P2RX6: variants seen among roughly 807,000 people sequenced by gnomAD.
P2RX6 encodes the protein P2X purinoceptor 6.
P2RX6 carries 62 observed loss-of-function variants against 54.2 expected under a neutral mutation model. That is an observed-to-expected ratio of 1.14 (90% CI 0.93 to 1.41). P2RX6 has a LOEUF of 1.41. Ranked by LOEUF, P2RX6 falls within the 40% of genes most tolerant of loss-of-function variation. P2RX6 has a pLI of 0.00. For missense variants in P2RX6, 541 were observed against 566.3 expected (o/e 0.96, Z 0.45); for synonymous variants, 211 against 231.9 (o/e 0.91, Z 0.82).
chr22:21,018,248 G>A lies in P2RX6; in HGVS notation c.387+188G>A, dbSNP rs1926775662. The A allele has an allele frequency of 8.5e-6, 5 of 589,734 alleles. No individual in the cohort carries two copies. The East Asian group carries it at 1.2e-4, about 14-fold the overall frequency. The allele number at this position is 589,734 out of a possible 1,614,324, so 36.5% of individuals were successfully genotyped here. A position where few individuals can be genotyped will look rare whatever the true frequency, so the allele number is the denominator to read the frequency against. On this transcript the variant is annotated intron_variant, in intron 3 of 11. Coordinates refer to ENST00000413302, the MANE Select transcript of P2RX6 (RefSeq NM_005446.5). ...TCTTCACATATCCCCTGCCTGGTAG[G>A]AAGTCCTGTGATCCCCATTTCAGAG...
Position 21,025,859 on chromosome 22 carries a change from G to A in P2RX6, c.945G>A (p.Lys315=). 1.9e-6 allele frequency: 3 copies of A among 1,573,234 alleles called. No individual in the cohort carries two copies. Among genetic ancestry groups the A allele is most frequent in the Non-Finnish European group, 2.6e-6 (3 of 1,159,766 alleles). Residue 315 remains lysine, a synonymous_variant, in exon 9 of 12, where the codon AAG becomes AAA. Coordinates refer to ENST00000413302, the MANE Select transcript of P2RX6 (RefSeq NM_005446.5). ...QPGVEARTLL[K]LYGIRFDILV... is the part of the protein sequence containing the mutation. ...GTGTGGAGGCCCGCACCCTGCTCAA[G>A]CTCTATGGAATCCGCTTCGACATCC... is the stretch of plus-strand genomic sequence containing the variant.
At chr22:21,016,285 G>A (rs1926371347) in intron 2 of P2RX6, among the ~76,000 whole-genome samples, 193 bp downstream of exon 2, 1 of 152,120 alleles carries the variant, frequency 6.6e-6, no homozygotes, top group Admixed American at 6.5e-5. Context: ...TTTTGGGGTG[G>A]AAAAAGGGGC....
At position 21,015,320 on chromosome 22, in the gene P2RX6, T is replaced by C; in HGVS notation, c.146T>C (p.Ile49Thr). 1 of 1,562,974 alleles carries C rather than the reference T, an allele frequency of 6.4e-7. No homozygotes were observed. Among genetic ancestry groups the C allele is most frequent in the Non-Finnish European group, 8.6e-7 (1 of 1,161,378 alleles). Residue 49 changes from isoleucine (I) to threonine (T), a missense_variant, in exon 1 of 12, where the codon ATC becomes ACC. Physicochemically the swap from Ile to Thr is moderately conservative, Grantham distance 89 (BLOSUM62 -1). Coordinates refer to ENST00000413302, the MANE Select transcript of P2RX6 (RefSeq NM_005446.5). ...CTGCAGAGGCTGCTGCAGTTTGGGA[T>C]CGTGGTCTATGTGGTAGGGTAAGAG... Reference protein sequence around the residue: ...GALQRLLQFGIVVYVVGWALL... With the variant: ...GALQRLLQFGTVVYVVGWALL...
At chr22:21,015,374 C>G in intron 1 of P2RX6, 36 bp downstream of exon 1, 1 of 1,481,344 alleles carries the variant, frequency 6.8e-7, no homozygotes, top group Middle Eastern at 2.2e-4. Flanking sequence ...GCTGGAGGGG[C>G]AAGGGAAGAG....
chr22:21,026,010 G>C lies in P2RX6; in HGVS notation c.985-1G>C. 1 of 1,610,558 alleles carries C rather than the reference G, an allele frequency of 6.2e-7. No homozygotes were observed. The highest frequency in any genetic ancestry group is 8.5e-7 in the Non-Finnish European group (1 of 1,178,630). ...AGAGGTTCAGCTCAGATCTCTCTCA[G>C]GCAGGGAAGTTCGGGCTCATCCCCA... On this transcript the variant is annotated splice_acceptor_variant, in intron 9 of 11. Coordinates refer to ENST00000413302, the MANE Select transcript of P2RX6 (RefSeq NM_005446.5). LOFTEE classifies it high-confidence loss of function. This position sits in a 1 kb window ranked among gnomAD's most constrained non-coding sequence, Gnocchi z 4.0.
At chr22:21,020,601 T>TC (rs1927204017) in intron 3 of P2RX6, among the ~76,000 whole-genome samples, 1 of 145,804 alleles carries the variant, frequency 6.9e-6, no homozygotes, top group Non-Finnish European at 1.5e-5. Context: ...TTTCTTTTTT[T>TC]TTTTTTTGAG....
At chr22:21,019,616 C>G (rs28728206) in intron 3 of P2RX6, among the ~76,000 whole-genome samples, 1 of 152,202 alleles carries the variant, frequency 6.6e-6, no homozygotes, top group Non-Finnish European at 1.5e-5. Flanking sequence ...AGAGCTTGGT[C>G]GGGGAGACCT....
In P2RX6 at chr22:21,023,376, T is replaced by C. The variant is rs768078009; in HGVS notation, c.740T>C (p.Val247Ala). The change falls in exon 7 of 12, where the codon GTG becomes GCG. Residue 247 changes from valine to alanine, a missense_variant. Transcript: ENST00000413302. Reference sequence around the variant, plus strand: ...CCCGTGTTCCGCATTGGGGACCTCGTGGCCAAGGCTGGAGGGACCTTCGAG... The same window carrying C: ...CCCGTGTTCCGCATTGGGGACCTCGCGGCCAAGGCTGGAGGGACCTTCGAG... ...YCPVFRIGDL[V>A]AKAGGTFEDL... 3.7e-6 allele frequency: 6 copies of C among 1,613,874 alleles called. No individual in the cohort carries two copies.
chr22:21,013,409 T>C (rs1925879993), upstream of P2RX6, among the ~76,000 whole-genome samples: 3 of 152,330 alleles, frequency 2.0e-5, no homozygotes, highest in South Asian at 6.2e-4. Flanking sequence ...CTGGACAACC[T>C]GGGCAACATA....
chr22:21,011,599 C>T (rs1412548623), upstream of P2RX6: 29 of 714,686 alleles, frequency 4.1e-5, no homozygotes, highest in South Asian at 3.0e-4. Flanking sequence ...ATCTGGGGGA[C>T]GGAGCCACTC....
rs768061458 is a variant in P2RX6, at chr22:21,023,321, C to T, written c.685C>T (p.Arg229Cys). 5.6e-6 allele frequency: 9 copies of T among 1,613,862 alleles called. No individual in the cohort carries two copies. The highest frequency in any genetic ancestry group is 1.7e-5 in the Admixed American group (1 of 60,002). Residue 229 changes from arginine to cysteine, a missense_variant, in exon 7 of 12, where the codon CGC (arginine) becomes TGC (cysteine). Physicochemically the swap from Arg to Cys is radical, Grantham distance 180. This residue lies in a region of P2RX6 where 526 missense variants were observed against 531.5 expected (regional missense o/e 0.99). Transcript: ENST00000413302. ...TWDPTYFKHC[R>C]YEPQFSPYCP... ...GGACCCCACCTATTTTAAGCACTGC[C>T]GCTATGAACCACAATTCAGCCCCTA...
rs1194398657 is a variant in P2RX6 at position 21,026,366 on chromosome 22, G to A, written c.1128+37G>A. The A allele has an allele frequency of 2.5e-6, 4 of 1,588,376 alleles. No individual in the cohort carries two copies. The highest frequency in any genetic ancestry group is 2.7e-5 in the African/African-American group (2 of 74,524). On this transcript the variant is annotated intron_variant, in intron 11 of 11. Coordinates refer to ENST00000413302, the MANE Select transcript of P2RX6 (RefSeq NM_005446.5). The surrounding 1 kb of genome is among the most constrained non-coding windows in gnomAD (Gnocchi z 4.0). ...TCGCTCTGCTTGGACCCTGGGTTCTGCCACACTTAGGAAGATGTTGGCTGG... is the reference window on the plus strand; with the variant it reads ...TCGCTCTGCTTGGACCCTGGGTTCTACCACACTTAGGAAGATGTTGGCTGG...
chr22:21,026,445 A>G lies in P2RX6; in HGVS notation c.1154A>G (p.Asn385Ser). ...GCCAAGGCCCCGAAAGCAACCGCCA[A>G]CTCTGTGTGGAGGGAGCTGGCCCTT... is the stretch of plus-strand genomic sequence containing the variant. ...EEAKAPKATANSVWRELALAS... is the reference protein window; with the variant it reads ...EEAKAPKATASSVWRELALAS... The change falls in exon 12 of 12, where the codon AAC (asparagine) becomes AGC (serine). Residue 385 changes from asparagine (N) to serine (S), a missense_variant. This residue lies in a region of P2RX6 where 526 missense variants were observed against 531.5 expected (regional missense o/e 0.99). Coordinates refer to ENST00000413302, the MANE Select transcript of P2RX6 (RefSeq NM_005446.5). The surrounding 1 kb of genome is among the most constrained non-coding windows in gnomAD (Gnocchi z 4.0). 1 of 1,603,166 alleles carries G rather than the reference A, an allele frequency of 6.2e-7. No individual in the cohort carries two copies. Among genetic ancestry groups the G allele is most frequent in the Non-Finnish European group, 8.5e-7 (1 of 1,175,372 alleles).
chr22:21,012,385 C>G (rs11703635), upstream of P2RX6: 9 of 332,124 alleles, frequency 2.7e-5, no homozygotes, highest in Non-Finnish European at 4.6e-5. Context: ...CACATACCCC[C>G]TCCTGTGATG....
chr22:21,013,987 C>T (rs931543609), upstream of P2RX6: 6 of 152,668 alleles, frequency 3.9e-5, no homozygotes, highest in African/African-American at 1.4e-4. Flanking sequence ...CAGAGGTCTC[C>T]TGCCTCCTCG....
chr22:21,023,576 C>T lies in P2RX6; in HGVS notation c.848C>T (p.Pro283Leu). ...GACACCGGGGACTCTGGCTGCTGGC[C>T]TCACTACTCCTTCCAGCTGCAGGAG... ...DLDTGDSGCW[P>L]HYSFQLQEKS... is the part of the protein sequence containing the mutation. The change falls in exon 8 of 12, where the codon CCT (proline) becomes CTT (leucine). Residue 283 changes from proline (P) to leucine (L), a missense_variant. Physicochemically the swap from Pro to Leu is moderately conservative, Grantham distance 98 (BLOSUM62 -3). This residue lies in a region of P2RX6 where 526 missense variants were observed against 531.5 expected (regional missense o/e 0.99). Transcript: ENST00000413302. 2 of 1,613,096 alleles carry T rather than the reference C, an allele frequency of 1.2e-6. No homozygotes were observed. Among genetic ancestry groups the T allele is most frequent in the Non-Finnish European group, 1.7e-6 (2 of 1,179,570 alleles).
upstream of P2RX6, among the ~76,000 whole-genome samples, chr22:21,010,643 T>C (rs1016221914): frequency 6.6e-6 from 1 of 152,130 alleles, no homozygotes; most frequent in Non-Finnish European, 1.5e-5. Context: ...ATTGTTACTA[T>C]TATTGGACCA....
At position 21,023,426 on chromosome 22, in the gene P2RX6, A is replaced by G; in HGVS notation, c.780+10A>G. 6.2e-7 allele frequency: 1 copy of G among 1,613,950 alleles called. No individual in the cohort carries two copies. Among genetic ancestry groups the G allele is most frequent in the Non-Finnish European group, 8.5e-7 (1 of 1,179,874 alleles). On this transcript the variant is annotated intron_variant, in intron 7 of 11. Coordinates refer to ENST00000413302, the MANE Select transcript of P2RX6 (RefSeq NM_005446.5). ...GGACCTGGCGTTGCTGGTGGGTCCCAAGTTGGGGGCAGGGTTCCTAGAGGG... is the reference window on the plus strand; with the variant it reads ...GGACCTGGCGTTGCTGGTGGGTCCCGAGTTGGGGGCAGGGTTCCTAGAGGG...
upstream of P2RX6, among the ~76,000 whole-genome samples, chr22:21,013,343 C>T (rs184079591): frequency 7.2e-5 from 11 of 152,292 alleles, no homozygotes; most frequent in African/African-American, 2.2e-4. Flanking sequence ...ATAAGAACAT[C>T]GAGGCTAAGG....
Sources: gnomAD v4.1 joint callset for allele counts (sites outside exome capture counted in the v4.1 genomes callset) on GRCh38, gnomAD v4.1.1 for gene constraint, gnomAD v4.1.1 regional missense constraint, Gnocchi (gnomAD v3.1) non-coding constraint, MANE v1.5 for transcripts, NCBI Gene and HGNC (gene_info 2026-07-23, HGNC 2026-07-21) for gene names.